The following NFATC2IP variants were observed in gnomAD, a reference collection of about 807,000 sequenced individuals.
The protein encoded by NFATC2IP is nuclear factor of activated T cells 2 interacting protein.
NFATC2IP carries 25 observed loss-of-function variants against 40.2 expected under a neutral mutation model. That is an observed-to-expected ratio of 0.62 (90% CI 0.45 to 0.87). NFATC2IP has a LOEUF of 0.87. Among genes scored for constraint, NFATC2IP ranks in the 40% least tolerant of loss-of-function variants. NFATC2IP has a pLI of 0.00. For missense variants in NFATC2IP, 553 were observed against 555.6 expected (o/e 1.00, Z 0.05); for synonymous variants, 241 against 236.3 (o/e 1.02, Z -0.18).
Position 28,951,418 on chromosome 16 carries a change from G to C in NFATC2IP, c.387+20G>C, listed in dbSNP as rs1433832535. 3 of 1,382,536 alleles carry C rather than the reference G, an allele frequency of 2.2e-6. No individual in the cohort carries two copies. The highest frequency in any genetic ancestry group is 3.4e-5 in the Admixed American group (1 of 29,448). The allele number at this position is 1,382,536 out of a possible 1,614,324, so 85.6% of individuals were successfully genotyped here. A position where few individuals can be genotyped will look rare whatever the true frequency, so the allele number is the denominator to read the frequency against. ...GGGAAGGTGCGCCCGGTCCCGGGGA[G>C]GGGACCGGCGGAAGGGCCAAGGGCT... is the stretch of plus-strand genomic sequence containing the variant. On this transcript the variant is annotated intron_variant, in intron 1 of 7. Transcript: ENST00000320805.
At chr16:28,958,116 AG>A (rs1965041553) in intron 5 of NFATC2IP, among the ~76,000 whole-genome samples, 1 of 110,580 alleles carries the variant, frequency 9.0e-6, no homozygotes, top group African/African-American at 5.3e-5. Context: ...AAAAATAGAA[AG>A]AAAAAAAAAA....
intron 7 of NFATC2IP, among the ~76,000 whole-genome samples, chr16:28,961,306 A>G (rs1444203939): frequency 8.2e-6 from 1 of 122,016 alleles, no homozygotes; most frequent in Non-Finnish European, 1.6e-5. Flanking sequence ...CCAGCCTGGG[A>G]GACAGCAAGA....
intron 5 of NFATC2IP, chr16:28,956,585 C>T (rs1319234106): frequency 1.4e-5 from 7 of 500,906 alleles, no homozygotes; most frequent in Non-Finnish European, 2.5e-5. Context: ...CATAAGCATC[C>T]TGTGTCTTTT....
chr16:28,956,548 A>G, intron 5 of NFATC2IP: 2 of 561,922 alleles, frequency 3.6e-6, no homozygotes, highest in Non-Finnish European at 6.3e-6. Context: ...TTTCTGGCAA[A>G]CTTTCTACCC....
chr16:28,955,891 G>T (rs1364877641), intron 3 of NFATC2IP, 87 bp from the exon 4 acceptor site: 11 of 1,090,474 alleles, frequency 1.0e-5, no homozygotes, highest in Admixed American at 5.3e-5. Flanking sequence ...GTCCGACTAT[G>T]CTTGATTGTC....
chr16:28,956,308 G>A lies in NFATC2IP; in HGVS notation c.817G>A (p.Ala273Thr), dbSNP rs1965021314. ...CTTCCCACTCAAAATCCGTTGCCGGGCTGACCTGGTCAGATTGCCCCTCAG... is the reference window on the plus strand; with the variant it reads ...CTTCCCACTCAAAATCCGTTGCCGGACTGACCTGGTCAGATTGCCCCTCAG... ...RLFPLKIRCR[A>T]DLVRLPLRMS... The change falls in exon 5 of 8, where the codon GCT becomes ACT. Residue 273 changes from alanine (A) to threonine (T), a missense_variant. Coordinates refer to ENST00000320805, the MANE Select transcript of NFATC2IP (RefSeq NM_032815.4). The A allele has an allele frequency of 6.2e-7, 1 of 1,614,080 alleles. No individual in the cohort carries two copies. The highest frequency in any genetic ancestry group is 8.5e-7 in the Non-Finnish European group (1 of 1,179,990).
rs752948369 is a variant in NFATC2IP, at chr16:28,963,895, G to A, written c.*32G>A. The stretch of plus-strand genomic sequence containing the variant: ...ACTCCCTGTTTGACGGCCCAGCCTG[G>A]ACTTGGGGAGAATGACTTTCCCTTT... On this transcript the variant is annotated 3_prime_UTR_variant, in exon 8 of 8. Transcript: ENST00000320805. The A allele has an allele frequency of 6.5e-5, 105 of 1,607,090 alleles. No homozygotes were observed. Among genetic ancestry groups the A allele is most frequent in the Non-Finnish European group, 8.9e-5 (104 of 1,174,930 alleles).
At chr16:28,960,464 TC>T (rs1965073280) in intron 7 of NFATC2IP, among the ~76,000 whole-genome samples, 1 of 152,136 alleles carries the variant, frequency 6.6e-6, no homozygotes, top group South Asian at 2.1e-4. Flanking sequence ...ACTCAAGAAG[TC>T]CCAATCTTAT....
At chr16:28,961,029 A>C (rs1427951695) in intron 7 of NFATC2IP, among the ~76,000 whole-genome samples, 1 of 151,980 alleles carries the variant, frequency 6.6e-6, no homozygotes, top group Non-Finnish European at 1.5e-5. Context: ...CATACACCTC[A>C]AAATTCTTGC....
rs766675472 is a variant in NFATC2IP, at chr16:28,963,876, T to G, written c.*13T>G. The G allele has an allele frequency of 6.2e-7, 1 of 1,613,426 alleles. No homozygotes were observed. The highest frequency in any genetic ancestry group is 2.2e-5 in the East Asian group (1 of 44,894). Reference sequence around the variant, plus strand: ...GGTCTGGGGCTGACACCCCACTCCCTGTTTGACGGCCCAGCCTGGACTTGG... The same window carrying G: ...GGTCTGGGGCTGACACCCCACTCCCGGTTTGACGGCCCAGCCTGGACTTGG... On this transcript the variant is annotated 3_prime_UTR_variant, in exon 8 of 8. Transcript: ENST00000320805.
chr16:28,955,098 A>T (rs1241213762), intron 3 of NFATC2IP, among the ~76,000 whole-genome samples: 1 of 152,044 alleles, frequency 6.6e-6, no homozygotes, highest in Non-Finnish European at 1.5e-5. Flanking sequence ...GGAGGCTGAG[A>T]TGGGAAAATC....
chr16:28,955,905 G>C (rs1965015205), intron 3 of NFATC2IP, 73 bp from the exon 4 acceptor site: 5 of 1,199,866 alleles, frequency 4.2e-6, no homozygotes, highest in Middle Eastern at 1.9e-4. Context: ...GATTGTCCAA[G>C]GATCTGATTT....
rs907507696 is a variant in NFATC2IP, at chr16:28,963,736, A to C, written c.1133A>C (p.Tyr378Ser). The C allele has an allele frequency of 6.2e-7, 1 of 1,613,838 alleles. No individual in the cohort carries two copies. The highest frequency in any genetic ancestry group is 2.2e-5 in the East Asian group (1 of 44,876). The stretch of plus-strand genomic sequence containing the variant: ...CCTCTAAAGACCCTCATGTCCCACT[A>C]TGAGGAGGCCATGGGACTGTCGGGA... ...DSPLKTLMSH[Y>S]EEAMGLSGRK... Residue 378 changes from tyrosine (Y) to serine (S), a missense_variant, in exon 8 of 8, where the codon TAT becomes TCT. By Grantham distance (144) the Tyr-to-Ser change is moderately radical. Coordinates refer to ENST00000320805, the MANE Select transcript of NFATC2IP (RefSeq NM_032815.4).
At chr16:28,953,737 A>C (rs946606066) in intron 2 of NFATC2IP, among the ~76,000 whole-genome samples, 1 of 151,960 alleles carries the variant, frequency 6.6e-6, no homozygotes, top group Non-Finnish European at 1.5e-5. Flanking sequence ...GCGCAACATG[A>C]TGAGACCCTG....
chr16:28,962,608 G>T (rs1041345388), intron 7 of NFATC2IP, among the ~76,000 whole-genome samples: 4 of 152,056 alleles, frequency 2.6e-5, no homozygotes, highest in African/African-American at 9.7e-5. Context: ...GCTCTCTAGG[G>T]GCTGCCAGCC....
Position 28,958,782 on chromosome 16 carries a change from C to A in NFATC2IP, c.912C>A (p.Ile304=), listed in dbSNP as rs915842323. 12 of 1,613,916 alleles carry A rather than the reference C, an allele frequency of 7.4e-6. No homozygotes were observed. Among genetic ancestry groups the A allele is most frequent in the South Asian group, 6.6e-5 (6 of 91,078 alleles). The part of the protein sequence containing the change: ...ATHLGVSPSR[I]LLLFGETELS... ...ACCTTGGGGTGTCCCCAAGCAGGAT[C>A]CTTTTGCTTTTTGGAGAGACAGAGC... Residue 304 remains isoleucine, a synonymous_variant, in exon 6 of 8, where the codon ATC becomes ATA. Coordinates refer to ENST00000320805, the MANE Select transcript of NFATC2IP (RefSeq NM_032815.4).
At chr16:28,952,055 G>A in intron 1 of NFATC2IP, 77 bp from the exon 2 acceptor site, 2 of 1,597,014 alleles carry the variant, frequency 1.3e-6, no homozygotes, top group Non-Finnish European at 1.7e-6. Flanking sequence ...GGGTGTCAGG[G>A]AAGAATTACC....
In NFATC2IP at chr16:28,966,633, C is replaced by T. The variant is rs1338059567; in HGVS notation, c.*2770C>T. 6.6e-6 allele frequency: 1 copy of T among 150,646 alleles called. No individual in the cohort carries two copies. The highest frequency in any genetic ancestry group is 1.5e-5 in the Non-Finnish European group (1 of 67,752). The allele number at this position is 150,646 out of a possible 1,614,324, so 9.3% of individuals were successfully genotyped here. A position where few individuals can be genotyped will look rare whatever the true frequency, so the allele number is the denominator to read the frequency against. The stretch of plus-strand genomic sequence containing the variant: ...ATGAGCTAGGTGTGGTGGCAGGCGC[C>T]TGTAATCCCAGTTACTTCGGGAGGC... On this transcript the variant is annotated 3_prime_UTR_variant, in exon 8 of 8. Transcript: ENST00000320805.
In NFATC2IP at chr16:28,956,186, G is replaced by C. The variant is rs1389444654; in HGVS notation, c.695G>C (p.Cys232Ser). 1.2e-6 allele frequency: 2 copies of C among 1,614,060 alleles called. No individual in the cohort carries two copies. Among genetic ancestry groups the C allele is most frequent in the Non-Finnish European group, 1.7e-6 (2 of 1,180,004 alleles). Residue 232 changes from cysteine (C) to serine (S), a missense_variant, in exon 5 of 8, where the codon TGT becomes TCT. By Grantham distance (112) the Cys-to-Ser change is moderately radical. Coordinates refer to ENST00000320805, the MANE Select transcript of NFATC2IP (RefSeq NM_032815.4). ...VNKRLQDLRS[C>S]LSPKPPQGQE... is the part of the protein sequence containing the mutation. Reference sequence around the variant, plus strand: ...AAGCGCCTCCAGGATCTCCGTTCCTGTCTGAGCCCCAAGCCACCTCAGGGT... The same window carrying C: ...AAGCGCCTCCAGGATCTCCGTTCCTCTCTGAGCCCCAAGCCACCTCAGGGT...
Sources: allele counts gnomAD v4.1 joint callset (sites outside exome capture counted in the v4.1 genomes callset), GRCh38; gene constraint gnomAD v4.1.1; transcripts MANE v1.5; gene names NCBI Gene and HGNC (gene_info 2026-07-23, HGNC 2026-07-21).